PIN4: variants seen among roughly 807,000 people sequenced by gnomAD.
The protein encoded by PIN4 is peptidylprolyl cis/trans isomerase, NIMA-interacting 4, also known as peptidyl-prolyl cis-trans isomerase NIMA-interacting 4.
Under a neutral mutation model 8.3 loss-of-function variants are expected in PIN4, and 3 were observed. The ratio of observed to expected loss-of-function variants is 0.36; its 90% CI spans 0.16 to 0.93. The LOEUF (loss-of-function observed/expected upper bound fraction) is 0.93, where lower values mean the gene tolerates loss of function less well. PIN4 is among the 40% of genes least tolerant of loss of function. The pLI, the probability that PIN4 is intolerant of heterozygous loss-of-function variation, is 0.44. For synonymous variants in PIN4, 18 were observed against 32.5 expected (o/e 0.55, Z 1.52); for missense variants, 75 against 100.6 (o/e 0.75, Z 1.09).
intron 3 of PIN4, among the ~76,000 whole-genome samples, chrX:72,224,764 A>G (rs2042945125): frequency 9.0e-6 from 1 of 111,062 alleles, no homozygotes; most frequent in Non-Finnish European, 1.9e-5. Flanking sequence ...CAAACAAACA[A>G]AAAACACCCA....
chrX:72,188,486 T>A (rs1051643116), intron 2 of PIN4, among the ~76,000 whole-genome samples: 5 of 110,918 alleles, frequency 4.5e-5, no homozygotes, highest in Non-Finnish European at 9.4e-5. Context: ...GCCTCCCAAG[T>A]ATCTGGGATC....
At chrX:72,248,324 A>G (rs1346523011) in intron 3 of PIN4, among the ~76,000 whole-genome samples, 26 of 73,643 alleles carry the variant, frequency 3.5e-4, no homozygotes, top group African/African-American at 1.5e-3. Context: ...AAAAAAAAAA[A>G]AAAAAAAAAA....
At chrX:72,204,175 CATA>C (rs2042803138) in intron 3 of PIN4, among the ~76,000 whole-genome samples, 1 of 112,463 alleles carries the variant, frequency 8.9e-6, no homozygotes, top group African/African-American at 3.2e-5. Flanking sequence ...TTTCCATACA[CATA>C]ATGAGATATT....
downstream of PIN4, among the ~76,000 whole-genome samples, chrX:72,200,872 G>A (rs1044666521): frequency 7.1e-5 from 8 of 112,031 alleles, no homozygotes; most frequent in African/African-American, 2.6e-4. Context: ...TGCAGCCTTT[G>A]GCAGTTTGCC....
At chrX:72,229,308 T>C (rs1018792681) in intron 3 of PIN4, among the ~76,000 whole-genome samples, 1 of 111,826 alleles carries the variant, frequency 8.9e-6, no homozygotes, top group Non-Finnish European at 1.9e-5. Context: ...AAATGGAGCA[T>C]TTCCGCAACT....
At chrX:72,238,731 G>T (rs1258654366) in intron 3 of PIN4, 4 of 668,965 alleles carry the variant, frequency 6.0e-6, no homozygotes, top group Non-Finnish European at 8.9e-6. Context: ...GCGAGCGCGC[G>T]TCTCAAAAGG....
At chrX:72,221,876 T>G (rs2042924921) in intron 3 of PIN4, among the ~76,000 whole-genome samples, 1 of 109,957 alleles carries the variant, frequency 9.1e-6, no homozygotes, top group Admixed American at 9.8e-5. Flanking sequence ...AAACCTTTCC[T>G]CTGAGATCCC....
At chrX:72,257,677 G>A (rs770784040) in intron 3 of PIN4, among the ~76,000 whole-genome samples, 102 of 111,783 alleles carry the variant, frequency 9.1e-4, no homozygotes, top group African/African-American at 3.2e-3. Flanking sequence ...GGTGTCTTGG[G>A]GCAGGCAGTG....
intron 3 of PIN4, among the ~76,000 whole-genome samples, chrX:72,213,595 A>G (rs1467559440): frequency 8.9e-6 from 1 of 111,974 alleles, no homozygotes; most frequent in Non-Finnish European, 1.9e-5. Context: ...CCACCCCTCC[A>G]GATATGGCAG....
At chrX:72,252,419 T>C (rs1362184416) in intron 3 of PIN4, among the ~76,000 whole-genome samples, 2 of 109,284 alleles carry the variant, frequency 1.8e-5, no homozygotes, top group Non-Finnish European at 3.8e-5. Flanking sequence ...AGTCTCGCTC[T>C]GTCACCCAGG....
chrX:72,208,836 A>G (rs938871041), intron 3 of PIN4: 8 of 506,103 alleles, frequency 1.6e-5, no homozygotes, highest in Non-Finnish European at 2.2e-5. Context: ...ATTAGCACAC[A>G]AGATGCCAAT....
At chrX:72,244,172 C>T (rs1259207164) in intron 3 of PIN4, among the ~76,000 whole-genome samples, 1 of 112,009 alleles carries the variant, frequency 8.9e-6, no homozygotes, top group African/African-American at 3.2e-5. Context: ...TATCAAAGAG[C>T]TTAAAGTTCC....
At chrX:72,228,620 T>G (rs1038473452) in intron 3 of PIN4, among the ~76,000 whole-genome samples, 3 of 111,898 alleles carry the variant, frequency 2.7e-5, no homozygotes, top group Non-Finnish European at 5.6e-5. Context: ...TTACAGTCCT[T>G]CAGCGGTACC....
At chrX:72,239,512 T>C (rs775371074) in intron 3 of PIN4, among the ~76,000 whole-genome samples, 36 of 112,206 alleles carry the variant, frequency 3.2e-4, no homozygotes, top group Middle Eastern at 4.6e-3. Flanking sequence ...GGTTCACGCC[T>C]GTAATCCCAG....
intron 3 of PIN4, among the ~76,000 whole-genome samples, chrX:72,253,983 GAAAA>G (rs1467200744): frequency 2.7e-5 from 3 of 109,483 alleles, no homozygotes; most frequent in Non-Finnish European, 3.8e-5. Context: ...AAAAATAAAA[GAAAA>G]AGAAAAGAAA....
At chrX:72,239,182 CGAG>C (rs2043036964) in intron 3 of PIN4, 2 of 357,845 alleles carry the variant, frequency 5.6e-6, no homozygotes, top group East Asian at 9.3e-5. Context: ...TCTCTGCCTT[CGAG>C]ACACGGAGTG....
chrX:72,186,217 A>AT (rs201019008), intron 1 of PIN4: 8,704 of 343,854 alleles, frequency 0.025, 14 homozygotes, highest in African/African-American at 0.039. Flanking sequence ...TTTATTTGTG[A>AT]TTTTTTTTTT....
At chrX:72,261,398 T>C (rs1465102190) in intron 3 of PIN4, among the ~76,000 whole-genome samples, 2 of 111,595 alleles carry the variant, frequency 1.8e-5, no homozygotes, top group Non-Finnish European at 3.8e-5. Context: ...TTTTTGTACA[T>C]GTGTAATGAG....
At position 72,251,682 on chromosome X, in the gene PIN4, T is replaced by A. The variant is rs1342250007; in HGVS notation, c.313-11025T>A. Among the ~76,000 whole-genome samples the A allele has an allele frequency of 4.5e-5, 5 of 110,994 alleles. 1 individual carries two copies. The highest frequency in any genetic ancestry group is 3.8e-5 in the Non-Finnish European group (2 of 53,039). Reference sequence around the variant, plus strand: ...GACGTTCAAGTGGAGGAGAGGGGTGTTTTTTTCGAGGTAGGGAAGAAGGCA... The same window carrying A: ...GACGTTCAAGTGGAGGAGAGGGGTGATTTTTTCGAGGTAGGGAAGAAGGCA... On this transcript the variant is annotated intron_variant, in intron 3 of 3. Coordinates refer to the PIN4 transcript ENST00000423432.
Sources: allele counts gnomAD v4.1 joint callset (sites outside exome capture counted in the v4.1 genomes callset), GRCh38; gene constraint gnomAD v4.1.1; transcripts MANE v1.5; gene names NCBI Gene and HGNC (gene_info 2026-07-23, HGNC 2026-07-21).